DGKB: variants seen among roughly 807,000 people sequenced by gnomAD.
DGKB encodes the protein diacylglycerol kinase beta.
Under a neutral mutation model 114.3 loss-of-function variants are expected in DGKB, and 67 were observed. That is an observed-to-expected ratio of 0.59 (90% CI 0.48 to 0.72). The LOEUF is 0.72. Among genes scored for constraint, DGKB ranks in the 30% least tolerant of loss-of-function variants. DGKB has a pLI of 0.00. For missense variants in DGKB, 907 were observed against 975.2 expected (o/e 0.93, Z 0.93); for synonymous variants, 398 against 323.1 (o/e 1.23, Z -2.49).
intron 21 of DGKB, among the ~76,000 whole-genome samples, chr7:14,465,460 A>C (rs1163881393): frequency 6.6e-6 from 1 of 152,178 alleles, no homozygotes; most frequent in African/African-American, 2.4e-5. Flanking sequence ...AATCCAAGGA[A>C]ATGCCAGATG....
chr7:14,636,984 T>C (rs1346343058), intron 13 of DGKB, among the ~76,000 whole-genome samples: 1 of 151,884 alleles, frequency 6.6e-6, no homozygotes, highest in African/African-American at 2.4e-5. Flanking sequence ...CACATTCTGA[T>C]TATATAAAAC....
intron 2 of DGKB, among the ~76,000 whole-genome samples, chr7:14,809,659 C>A (rs539719794): frequency 6.6e-6 from 1 of 152,086 alleles, no homozygotes; most frequent in East Asian, 1.9e-4. Flanking sequence ...ATATCTTTGG[C>A]ATAATTAACT....
chr7:14,794,828 T>C (rs1383849985), intron 2 of DGKB, among the ~76,000 whole-genome samples: 1 of 152,128 alleles, frequency 6.6e-6, no homozygotes, highest in Non-Finnish European at 1.5e-5. Flanking sequence ...TGATGAGTCT[T>C]CATTACCAGT....
upstream of DGKB, among the ~76,000 whole-genome samples, chr7:14,903,802 A>G (rs1783485872): frequency 6.6e-6 from 1 of 152,198 alleles, no homozygotes; most frequent in African/African-American, 2.4e-5. Flanking sequence ...GTAAGTCAAT[A>G]ATCAAGATTT....
At chr7:14,922,467 A>G (rs914373541) in intron 1 of DGKB, among the ~76,000 whole-genome samples, 5 of 151,540 alleles carry the variant, frequency 3.3e-5, no homozygotes, top group Non-Finnish European at 7.4e-5. Context: ...AAATATTGTC[A>G]TACTACATTG....
At position 14,560,331 on chromosome 7, in the gene DGKB, T is replaced by A. The variant is rs186592230; in HGVS notation, c.1770+13881A>T. Among the ~76,000 whole-genome samples the A allele has an allele frequency of 3.0e-4, 45 of 152,292 alleles. 1 individual carries two copies. The highest frequency in any genetic ancestry group is 1.0e-3 in the African/African-American group (42 of 41,564). On this transcript the variant is annotated intron_variant, in intron 20 of 25. Transcript: ENST00000402815. ...TTTATCCCTCTAGCTTTACTGAAAC[T>A]TTATTTATGTCCGTTGATTAATAAT...
intron 9 of DGKB, among the ~76,000 whole-genome samples, chr7:14,690,220 A>T (rs1327758615): frequency 6.6e-6 from 1 of 152,232 alleles, no homozygotes; most frequent in Non-Finnish European, 1.5e-5. Context: ...AGGAAAAGGA[A>T]ATGTTCAAAC....
chr7:14,248,630 A>T (rs76155792), intron 23 of DGKB, among the ~76,000 whole-genome samples: 14,469 of 151,934 alleles, frequency 0.095, 1,019 homozygotes, highest in African/African-American at 0.2. Context: ...ATTGTTTTTT[A>T]AAATTCTTTT....
At chr7:14,558,951 C>T (rs904135138) in intron 20 of DGKB, among the ~76,000 whole-genome samples, 4 of 152,154 alleles carry the variant, frequency 2.6e-5, no homozygotes, top group Non-Finnish European at 4.4e-5. Flanking sequence ...CTCCAGCATC[C>T]ATTTGAATCA....
intron 1 of DGKB, among the ~76,000 whole-genome samples, chr7:14,859,775 C>T (rs1377921468): frequency 6.6e-6 from 1 of 152,030 alleles, no homozygotes; most frequent in Non-Finnish European, 1.5e-5. Context: ...TACCTCCTTC[C>T]CTGACTAAAT....
intron 1 of DGKB, among the ~76,000 whole-genome samples, chr7:14,880,740 A>G (rs1854094787): frequency 1.3e-5 from 2 of 152,200 alleles, no homozygotes; most frequent in African/African-American, 4.8e-5. Flanking sequence ...AAAACTAACG[A>G]CGTCTCTAGG....
At chr7:14,164,728 A>C (rs1463893349) in intron 25 of DGKB, among the ~76,000 whole-genome samples, 1 of 152,182 alleles carries the variant, frequency 6.6e-6, no homozygotes. Flanking sequence ...ATACTGTCCC[A>C]CTGTAGAATA....
chr7:14,218,243 T>A (rs1427819935), intron 23 of DGKB, among the ~76,000 whole-genome samples: 2 of 151,984 alleles, frequency 1.3e-5, no homozygotes, highest in Non-Finnish European at 2.9e-5. Flanking sequence ...GGAGAAGGAA[T>A]TTGAAATATT....
chr7:14,336,908 T>C (rs999951046), intron 23 of DGKB, among the ~76,000 whole-genome samples: 1 of 152,160 alleles, frequency 6.6e-6, no homozygotes, highest in Non-Finnish European at 1.5e-5. Context: ...GTATCGGGAA[T>C]GTGTAGATGC....
chr7:14,769,593 G>C (rs1371983814), intron 2 of DGKB, among the ~76,000 whole-genome samples: 1 of 151,556 alleles, frequency 6.6e-6, no homozygotes, highest in Non-Finnish European at 1.5e-5. Context: ...CTATTTATTT[G>C]TTTCCTAGGG....
intron 21 of DGKB, among the ~76,000 whole-genome samples, chr7:14,391,044 A>G (rs1051628236): frequency 6.6e-6 from 1 of 152,192 alleles, no homozygotes; most frequent in Non-Finnish European, 1.5e-5. Context: ...TTATGGGGAA[A>G]AATTAAATTC....
intron 13 of DGKB, among the ~76,000 whole-genome samples, chr7:14,631,883 T>G (rs1563734325): frequency 6.6e-6 from 1 of 151,932 alleles, no homozygotes; most frequent in Non-Finnish European, 1.5e-5. Context: ...AGGAATGTAA[T>G]CCTATGGATC....
intron 23 of DGKB, among the ~76,000 whole-genome samples, chr7:14,299,814 T>G (rs1051879335): frequency 3.3e-5 from 5 of 152,054 alleles, no homozygotes; most frequent in Admixed American, 3.3e-4. Context: ...CCTTCACTCC[T>G]CATTTCTGAG....
Position 14,682,986 on chromosome 7 carries a change from T to G in DGKB, c.830-145A>C, listed in dbSNP as rs76810631. 7.7e-3 allele frequency: 4,936 copies of G among 638,612 alleles called. 168 individuals are homozygous for G. In the African/African-American group the frequency reaches 0.08, roughly 10 times the overall value. 39.6% of individuals were successfully genotyped at this position (638,612 alleles called of 1,614,324 possible). ...CAGCCACATCAAGGAGAAGTCCAAG[T>G]CGACTGTTTTTACCATGGAATATAA... On this transcript the variant is annotated intron_variant, in intron 10 of 25. Transcript: ENST00000402815.
Sources: gnomAD v4.1 joint callset for allele counts (sites outside exome capture counted in the v4.1 genomes callset) on GRCh38, gnomAD v4.1.1 for gene constraint, MANE v1.5 for transcripts, NCBI Gene and HGNC (gene_info 2026-07-23, HGNC 2026-07-21) for gene names.